The following MAX variants were observed in gnomAD, a reference collection of about 807,000 sequenced individuals.
MAX encodes protein max.
In MAX, 3 loss-of-function variants were observed where a neutral mutation model predicts 22.3. The ratio of observed to expected loss-of-function variants is 0.13; its 90% CI spans 0.06 to 0.35. MAX has a LOEUF of 0.35. Among genes scored for constraint, MAX ranks in the 10% least tolerant of loss-of-function variants. MAX has a pLI of 1.00. For synonymous variants in MAX, 72 were observed against 77.7 expected, an observed-to-expected ratio of 0.93 and a Z score of 0.39; for missense variants, 119 against 209.4, an observed-to-expected ratio of 0.57 and a Z score of 2.66.
At position 65,077,195 on chromosome 14, in the gene MAX, C is replaced by T. The variant is rs1012686884; in HGVS notation, c.296-532G>A. 1 of 657,508 alleles carries T rather than the reference C, an allele frequency of 1.5e-6. No homozygotes were observed. Among genetic ancestry groups the T allele is most frequent in the Non-Finnish European group, 2.7e-6 (1 of 368,146 alleles). The allele number at this position is 657,508 out of a possible 1,614,324, so 40.7% of individuals were successfully genotyped here. A position where few individuals can be genotyped will look rare whatever the true frequency, so the allele number is the denominator to read the frequency against. ...ACCTGGGCTTTTCAAATAGCCCCTA[C>T]ATGCAGGCTGCCTGGCCCAGTAACC... On this transcript the variant is annotated intron_variant, in intron 4 of 4. Coordinates refer to ENST00000358664, the MANE Select transcript of MAX (RefSeq NM_002382.5). The surrounding 1 kb of genome is among the most constrained non-coding windows in gnomAD (Gnocchi z 6.3).
intron 3 of MAX, among the ~76,000 whole-genome samples, chr14:65,033,117 C>CG (rs1439750546): frequency 1.3e-5 from 2 of 151,868 alleles, no homozygotes; most frequent in African/African-American, 4.8e-5. Context: ...CTCATAAGCA[C>CG]GAGATGGGTA....
chr14:65,039,707 A>C (rs1361093305), intron 3 of MAX, among the ~76,000 whole-genome samples: 1 of 152,218 alleles, frequency 6.6e-6, no homozygotes, highest in African/African-American at 2.4e-5. Flanking sequence ...AGGCTGGGTA[A>C]CTTAGAAAGA....
At chr14:65,102,633 G>A (rs980864517), upstream of MAX, 2 of 1,178,124 alleles carry the variant, frequency 1.7e-6, no homozygotes, top group Non-Finnish European at 2.1e-6. Flanking sequence ...GACGGCCCGG[G>A]TAGCTCCAGA....
At chr14:65,092,739 A>G (rs1277119858) in intron 3 of MAX, among the ~76,000 whole-genome samples, 1 of 152,240 alleles carries the variant, frequency 6.6e-6, no homozygotes, top group Non-Finnish European at 1.5e-5. Flanking sequence ...CCAGAGTGAC[A>G]ATATAAAAAA....
chr14:65,037,925 G>A (rs567126272), intron 3 of MAX, among the ~76,000 whole-genome samples: 82 of 151,658 alleles, frequency 5.4e-4, no homozygotes, highest in Admixed American at 9.2e-4. Context: ...GATTATAGGC[G>A]TGCGCCACGA....
At chr14:65,017,628 T>C (rs2061802257) in intron 3 of MAX, among the ~76,000 whole-genome samples, 1 of 152,142 alleles carries the variant, frequency 6.6e-6, no homozygotes, top group Non-Finnish European at 1.5e-5. Context: ...CTAAATTAAA[T>C]ATCAACAGTA....
In MAX at chr14:65,102,489, A is replaced by C. The variant is rs2063882056; in HGVS notation, c.-150T>G. 5 of 1,497,464 alleles carry C rather than the reference A, an allele frequency of 3.3e-6. No homozygotes were observed. In the South Asian group the frequency reaches 6.5e-5, roughly 19 times the overall value. 92.8% of individuals were successfully genotyped at this position (1,497,464 alleles called of 1,614,324 possible). A position where few individuals can be genotyped will look rare whatever the true frequency, so the allele number is the denominator to read the frequency against. ...CTCGCTCTCTCACTCACACACACAC[A>C]CAACACGGGCAAGAACCACCTCCTC... is the stretch of plus-strand genomic sequence containing the variant. On this transcript the variant is annotated 5_prime_UTR_variant, in exon 1 of 5. Transcript: ENST00000358664.
At chr14:65,066,862 CA>C (rs759184338) in intron 3 of MAX, among the ~76,000 whole-genome samples, 102 of 88,830 alleles carry the variant, frequency 1.1e-3, no homozygotes, top group Middle Eastern at 6.2e-3. Context: ...AATTCCATCT[CA>C]AAAAAAAAAA....
chr14:65,024,781 G>GA (rs201797760), intron 3 of MAX, among the ~76,000 whole-genome samples: 59 of 151,358 alleles, frequency 3.9e-4, no homozygotes, highest in Middle Eastern at 3.4e-3. Context: ...ACATTTGTGG[G>GA]AAAAAAAAAT....
At chr14:65,089,577 C>G (rs1359617427) in intron 3 of MAX, among the ~76,000 whole-genome samples, 1 of 151,744 alleles carries the variant, frequency 6.6e-6, no homozygotes, top group Non-Finnish European at 1.5e-5. Context: ...CATTCTGGCT[C>G]AGGTACTGGG....
chr14:65,100,650 AT>A (rs1397629523), intron 2 of MAX, among the ~76,000 whole-genome samples: 1 of 151,962 alleles, frequency 6.6e-6, no homozygotes, highest in African/African-American at 2.4e-5. Flanking sequence ...CATTCTATAC[AT>A]TTCTTACTGC....
Position 65,011,518 on chromosome 14 carries a change from A to G in MAX, c.172-5234T>C, listed in dbSNP as rs2061683807. ...AATTTGATAAACAATTGTGGAATTGACTACCTAGCAAAGGGAATGGTTCTC... is the reference window on the plus strand; with the variant it reads ...AATTTGATAAACAATTGTGGAATTGGCTACCTAGCAAAGGGAATGGTTCTC... On this transcript the variant is annotated intron_variant, in intron 3 of 3. Coordinates refer to the MAX transcript ENST00000341653. This position sits in a 1 kb window ranked among gnomAD's most constrained non-coding sequence, Gnocchi z 4.0. 6.6e-6 allele frequency among the ~76,000 whole-genome samples: 1 copy of G among 151,578 alleles called. No individual in the cohort carries two copies. Among genetic ancestry groups the G allele is most frequent in the Non-Finnish European group, 1.5e-5 (1 of 67,980 alleles).
At position 65,031,745 on chromosome 14, in the gene MAX, AC is replaced by A. The variant is rs755169633; in HGVS notation, c.172-25462del. ...AAACCAGCCTAGCCAACATGGCGAA[AC>A]CCCATCTCCACTAAAAATAGAAAAA... On this transcript the variant is annotated intron_variant, in intron 3 of 3. Transcript: ENST00000341653. This position sits in a 1 kb window ranked among gnomAD's most constrained non-coding sequence, Gnocchi z 4.6. Among the ~76,000 whole-genome samples, 1 of 151,728 alleles carries A rather than the reference AC, an allele frequency of 6.6e-6. No individual in the cohort carries two copies. Among genetic ancestry groups the A allele is most frequent in the Non-Finnish European group, 1.5e-5 (1 of 67,902 alleles).
Position 65,054,733 on chromosome 14 carries a change from T to A in MAX, c.171+38975A>T, listed in dbSNP as rs748202741. ...TTCACACCCCTTCTCCACAGGGACC[T>A]CGCGGACAGAAGGCTTTCCAAGTAA... On this transcript the variant is annotated intron_variant, in intron 3 of 3. Coordinates refer to the MAX transcript ENST00000341653. This position sits in a 1 kb window ranked among gnomAD's most constrained non-coding sequence, Gnocchi z 4.4. 1.9e-6 allele frequency: 3 copies of A among 1,559,600 alleles called. No homozygotes were observed. The highest frequency in any genetic ancestry group is 2.6e-6 in the Non-Finnish European group (3 of 1,148,836).
At chr14:65,049,110 G>C (rs1183978130) in intron 3 of MAX, among the ~76,000 whole-genome samples, 2 of 144,706 alleles carry the variant, frequency 1.4e-5, no homozygotes, top group Non-Finnish European at 3.0e-5. Flanking sequence ...CTGGGTAACA[G>C]GGCAGGACTC....
intron 3 of MAX, among the ~76,000 whole-genome samples, chr14:65,037,486 G>A (rs770458080): frequency 8.1e-6 from 1 of 123,082 alleles, no homozygotes; most frequent in Non-Finnish European, 1.6e-5. Flanking sequence ...CCAGATTGGA[G>A]TGCAGTGACA....
Position 65,069,622 on chromosome 14 carries a change from A to ATGAAG in MAX, c.171+24081_171+24085dup, listed in dbSNP as rs765875335. Among the ~76,000 whole-genome samples, 14 of 152,204 alleles carry ATGAAG rather than the reference A, an allele frequency of 9.2e-5. No homozygotes were observed. Among genetic ancestry groups the ATGAAG allele is most frequent in the Non-Finnish European group, 1.6e-4 (11 of 68,028 alleles). Reference sequence around the variant, plus strand: ...GAACCGCCCTATCAAGGGCACAGAGATGAAGGTACATCACAAGGCTGGAGT... The same window carrying ATGAAG: ...GAACCGCCCTATCAAGGGCACAGAGATGAAGTGAAGGTACATCACAAGGCTGGAGT... On this transcript the variant is annotated intron_variant, in intron 3 of 3. Transcript: ENST00000341653. The surrounding 1 kb of genome is among the most constrained non-coding windows in gnomAD (Gnocchi z 4.6).
Position 65,093,910 on chromosome 14 carries a change from A to C in MAX, c.64-95T>G. ...CAGCCTGGAAGTACACGCTGTCAGC[A>C]CTGTCCCTGGCGAGTGGACTGGGAA... is the stretch of plus-strand genomic sequence containing the variant. On this transcript the variant is annotated intron_variant, in intron 2 of 4. Coordinates refer to ENST00000358664, the MANE Select transcript of MAX (RefSeq NM_002382.5). This position sits in a 1 kb window ranked among gnomAD's most constrained non-coding sequence, Gnocchi z 4.4. The C allele has an allele frequency of 1.3e-6, 1 of 795,890 alleles. No individual in the cohort carries two copies. The highest frequency in any genetic ancestry group is 2.3e-6 in the Non-Finnish European group (1 of 439,268). The allele number at this position is 795,890 out of a possible 1,614,324, so 49.3% of individuals were successfully genotyped here.
At chr14:65,025,743 G>T (rs565652784) in intron 3 of MAX, among the ~76,000 whole-genome samples, 1 of 152,284 alleles carries the variant, frequency 6.6e-6, no homozygotes, top group Admixed American at 6.5e-5. Flanking sequence ...TGAGTCTGGG[G>T]AGGTTGAGGC....
Sources: gnomAD v4.1 joint callset for allele counts (sites outside exome capture counted in the v4.1 genomes callset) on GRCh38, gnomAD v4.1.1 for gene constraint, Gnocchi (gnomAD v3.1) non-coding constraint, MANE v1.5 for transcripts, NCBI Gene and HGNC (gene_info 2026-07-23, HGNC 2026-07-21) for gene names.